The following ARB2A variants were observed in gnomAD, a reference collection of about 807,000 sequenced individuals.
ARB2A encodes the protein cotranscriptional regulator ARB2A.
the ARB2A span, among the ~76,000 whole-genome samples, chr5:93,656,556 G>T: frequency 6.6e-6 from 1 of 152,086 alleles, no homozygotes; most frequent in African/African-American, 2.4e-5. Context: ...TAATTTTAAG[G>T]ATTCATGTAC....
At chr5:93,722,665 C>G in the ARB2A span, among the ~76,000 whole-genome samples, 1 of 152,020 alleles carries the variant, frequency 6.6e-6, no homozygotes, top group Non-Finnish European at 1.5e-5. Flanking sequence ...GTTGGTATCA[C>G]ATAAGAGAAG....
the ARB2A span, among the ~76,000 whole-genome samples, chr5:94,099,648 A>C: frequency 1.3e-5 from 2 of 151,138 alleles, no homozygotes; most frequent in African/African-American, 2.4e-5. Context: ...AAAAAAAAAA[A>C]AAACCGAAAA....
chr5:93,854,821 GAC>G, the ARB2A span, among the ~76,000 whole-genome samples: 1 of 152,186 alleles, frequency 6.6e-6, no homozygotes, highest in Non-Finnish European at 1.5e-5. Flanking sequence ...TGGTCTGAGA[GAC>G]AGTTTCTTAT....
chr5:93,840,652 C>A, the ARB2A span, among the ~76,000 whole-genome samples: 4 of 152,118 alleles, frequency 2.6e-5, no homozygotes, highest in South Asian at 4.1e-4. Context: ...AACACTAACA[C>A]CATCTCTTGT....
chr5:93,881,255 A>AT, the ARB2A span: 1 of 378,688 alleles, frequency 2.6e-6, no homozygotes. Context: ...CAGAATTTGC[A>AT]TTTGTGACTT....
chr5:94,069,588 T>C, the ARB2A span, among the ~76,000 whole-genome samples: 2 of 151,770 alleles, frequency 1.3e-5, no homozygotes, highest in Admixed American at 1.3e-4. Flanking sequence ...AATTCAGCAG[T>C]AAAAAACAAA....
At chr5:93,843,047 A>G in the ARB2A span, among the ~76,000 whole-genome samples, 1 of 152,210 alleles carries the variant, frequency 6.6e-6, no homozygotes, top group African/African-American at 2.4e-5. Flanking sequence ...AGACTGGAAG[A>G]CTTCTTTGGA....
At chr5:93,689,771 C>T in the ARB2A span, among the ~76,000 whole-genome samples, 2 of 152,010 alleles carry the variant, frequency 1.3e-5, no homozygotes, top group East Asian at 3.9e-4. Context: ...CAGCTCACCA[C>T]AACTTCTGCC....
chr5:93,668,917 T>G, the ARB2A span, among the ~76,000 whole-genome samples: 2 of 152,226 alleles, frequency 1.3e-5, no homozygotes, highest in Non-Finnish European at 2.9e-5. Context: ...TCTGTCGATC[T>G]GCCATGGGGA....
At chr5:93,834,278 T>C in the ARB2A span, among the ~76,000 whole-genome samples, 1 of 152,214 alleles carries the variant, frequency 6.6e-6, no homozygotes, top group Non-Finnish European at 1.5e-5. Context: ...ATAAGTATTG[T>C]TATGAGCAAC....
the ARB2A span, among the ~76,000 whole-genome samples, chr5:93,981,825 A>T: frequency 5.9e-5 from 9 of 152,160 alleles, no homozygotes; most frequent in Non-Finnish European, 1.3e-4. Context: ...AAGTTAACTC[A>T]TGTCACAATA....
At chr5:93,965,758 G>C in the ARB2A span, among the ~76,000 whole-genome samples, 1 of 151,998 alleles carries the variant, frequency 6.6e-6, no homozygotes, top group Non-Finnish European at 1.5e-5. Context: ...ATCACAGGAT[G>C]ATTTTTTTAG....
the ARB2A span, among the ~76,000 whole-genome samples, chr5:94,035,739 A>G: frequency 6.6e-6 from 1 of 152,350 alleles, no homozygotes; most frequent in African/African-American, 2.4e-5. Context: ...CATCATTCTC[A>G]GCAAACTAAC....
chr5:93,921,825 T>C, the ARB2A span, among the ~76,000 whole-genome samples: 3 of 152,198 alleles, frequency 2.0e-5, no homozygotes, highest in African/African-American at 7.2e-5. Flanking sequence ...TTTTTCCAGA[T>C]TGGTTCCATC....
the ARB2A span, among the ~76,000 whole-genome samples, chr5:93,630,543 C>T: frequency 2.6e-5 from 4 of 152,276 alleles, no homozygotes; most frequent in East Asian, 7.7e-4. Context: ...CTGGCACAAC[C>T]TATCCTTTCC....
chr5:93,924,388 T>A, the ARB2A span, among the ~76,000 whole-genome samples: 10 of 152,202 alleles, frequency 6.6e-5, no homozygotes, highest in Admixed American at 1.3e-4. Context: ...AGGAAATGTA[T>A]ACTGAATGGA....
the ARB2A span, chr5:93,776,140 T>A: frequency 6.3e-7 from 1 of 1,576,464 alleles, no homozygotes; most frequent in Non-Finnish European, 8.6e-7. Flanking sequence ...CAATCATATA[T>A]CTCTCATCAA....
At chr5:93,698,497 A>G in the ARB2A span, among the ~76,000 whole-genome samples, 1 of 152,210 alleles carries the variant, frequency 6.6e-6, no homozygotes, top group Non-Finnish European at 1.5e-5. Context: ...CAAATGAGGC[A>G]GTCAGGATAG....
chr5:93,992,943 A>G, the ARB2A span, among the ~76,000 whole-genome samples: 2 of 152,108 alleles, frequency 1.3e-5, no homozygotes, highest in Non-Finnish European at 2.9e-5. Context: ...GAAAAGACCT[A>G]ACAGGAAAAA....
Sources: gnomAD v4.1 joint callset for allele counts (sites outside exome capture counted in the v4.1 genomes callset) on GRCh38, gnomAD v4.1.1 for gene constraint, MANE v1.5 for transcripts, NCBI Gene and HGNC (gene_info 2026-07-23, HGNC 2026-07-21) for gene names.